The following CYP2C8 variants were observed in gnomAD, a reference collection of about 807,000 sequenced individuals.
CYP2C8 encodes cytochrome P450 2C8.
A neutral mutation model predicts 41.3 loss-of-function variants in CYP2C8; 51 were observed. The ratio of observed to expected loss-of-function variants is 1.24; its 90% confidence interval spans 0.99 to 1.56. The LOEUF (loss-of-function observed/expected upper bound fraction) is 1.56, where lower values mean the gene tolerates loss of function less well. CYP2C8 is among the 40% of genes most tolerant of loss of function. The probability of loss-of-function intolerance (pLI) is 0.00; values close to 1 mark genes in which losing one functional copy is unlikely to be tolerated. For missense variants in CYP2C8, 651 were observed against 579.9 expected (o/e 1.12, Z -1.26); for synonymous variants, 218 against 205.8 (o/e 1.06, Z -0.51).
chr10:95,037,602 CTTTA>C (rs1272585922), intron 8 of CYP2C8, among the ~76,000 whole-genome samples: 1 of 152,180 alleles, frequency 6.6e-6, no homozygotes, highest in East Asian at 1.9e-4. Context: ...ACAGTCATTT[CTTTA>C]TTTATTCCCA....
intron 7 of CYP2C8, among the ~76,000 whole-genome samples, chr10:95,042,603 C>T (rs1053396176): frequency 1.3e-5 from 2 of 152,150 alleles, no homozygotes; most frequent in Non-Finnish European, 1.5e-5. Context: ...TATCGAACTA[C>T]ACAATGAATG....
Position 95,069,484 on chromosome 10 carries a change from T to G in CYP2C8, c.-82A>C. On this transcript the variant is annotated 5_prime_UTR_variant, in exon 1 of 9. Coordinates refer to ENST00000371270, the MANE Select transcript of CYP2C8 (RefSeq NM_000770.3). ...ACACTCCCTGCTAATTTAGTGTGTG[T>G]CTCTTTGACATGTAAAGTAAACAAT... 1.8e-6 allele frequency: 2 copies of G among 1,138,510 alleles called. No individual in the cohort carries two copies. Among genetic ancestry groups the G allele is most frequent in the Non-Finnish European group, 2.6e-6 (2 of 760,064 alleles). The allele number at this position is 1,138,510 out of a possible 1,614,324, so 70.5% of individuals were successfully genotyped here.
At chr10:95,046,062 C>A in intron 5 of CYP2C8, 111 bp from the exon 6 acceptor site, 1 of 1,241,832 alleles carries the variant, frequency 8.1e-7, no homozygotes, top group Non-Finnish European at 1.1e-6. Flanking sequence ...AGATACTGGA[C>A]AGTACAGTAT....
chr10:95,048,546 G>A (rs1193850907), intron 5 of CYP2C8, among the ~76,000 whole-genome samples: 1 of 152,204 alleles, frequency 6.6e-6, no homozygotes, highest in African/African-American at 2.4e-5. Flanking sequence ...TATTGGGTTT[G>A]TGAACACACT....
chr10:95,046,748 T>TA (rs56702266), intron 5 of CYP2C8, among the ~76,000 whole-genome samples: 45,325 of 128,774 alleles, frequency 0.35, 9,119 homozygotes, highest in Non-Finnish European at 0.47. Flanking sequence ...CTAAATATGG[T>TA]AAAAAAAAAA....
intron 5 of CYP2C8, among the ~76,000 whole-genome samples, chr10:95,048,188 T>C (rs1016613097): frequency 2.0e-5 from 3 of 152,246 alleles, no homozygotes; most frequent in African/African-American, 7.2e-5. Context: ...CATTGCTCTC[T>C]CTTTAACAGT....
intron 5 of CYP2C8, among the ~76,000 whole-genome samples, chr10:95,049,403 G>A (rs7073515): frequency 0.024 from 3,584 of 152,244 alleles, 61 homozygotes; most frequent in South Asian, 0.048. Context: ...CTCTTCCCCT[G>A]GCAGCAGTGG....
chr10:95,048,166 A>G (rs983754723), intron 5 of CYP2C8, among the ~76,000 whole-genome samples: 3 of 152,160 alleles, frequency 2.0e-5, no homozygotes, highest in Non-Finnish European at 2.9e-5. Context: ...TTATGAATTG[A>G]CCAATAAGCT....
intron 4 of CYP2C8, among the ~76,000 whole-genome samples, chr10:95,059,069 G>T (rs2033369696): frequency 6.6e-6 from 1 of 152,160 alleles, no homozygotes; most frequent in African/African-American, 2.4e-5. Context: ...TTGGTTCCAA[G>T]TCTTTGCTAT....
At position 95,067,588 on chromosome 10, in the gene CYP2C8, C is replaced by G; in HGVS notation, c.272G>C (p.Gly91Ala). Residue 91 changes from glycine to alanine, a missense_variant, in exon 2 of 9, where the codon GGA becomes GCA. Gly to Ala is a moderately conservative substitution (Grantham distance 60). Transcript: ENST00000371270. ...EAVKEALIDN[G>A]EEFSGRGNSP... is the part of the protein sequence containing the mutation. The stretch of plus-strand genomic sequence containing the variant: ...ATTGCCTCTTCCAGAAAACTCCTCT[C>G]CATTATCAATCAGGGCTTCCTTCAC... 1 of 1,614,204 alleles carries G rather than the reference C, an allele frequency of 6.2e-7. No individual in the cohort carries two copies. Among genetic ancestry groups the G allele is most frequent in the Non-Finnish European group, 8.5e-7 (1 of 1,180,038 alleles).
chr10:95,050,875 C>CA (rs36110618), intron 5 of CYP2C8, among the ~76,000 whole-genome samples: 51,796 of 151,462 alleles, frequency 0.34, 9,370 homozygotes, highest in Non-Finnish European at 0.4. Flanking sequence ...AGGATGTGTA[C>CA]AAAAAAAACC....
intron 4 of CYP2C8, among the ~76,000 whole-genome samples, chr10:95,060,128 C>T (rs1163791891): frequency 1.3e-5 from 2 of 151,982 alleles, no homozygotes; most frequent in Non-Finnish European, 2.9e-5. Flanking sequence ...ACAATGCGGG[C>T]TCTTTTTTGG....
At position 95,067,656 on chromosome 10, in the gene CYP2C8, A is replaced by C. The variant is rs1198864967; in HGVS notation, c.204T>G (p.Tyr68Ter). The C allele has an allele frequency of 6.2e-7, 1 of 1,614,178 alleles. No homozygotes were observed. The highest frequency in any genetic ancestry group is 1.7e-5 in the Admixed American group (1 of 60,004). ...SKVYGPVFTV[Y>*]FGMNPIVVFH... is the part of the protein sequence containing the mutation. Reference sequence around the variant, plus strand: ...ACACCACTATGGGATTCATGCCAAAATACACGGTGAACACAGGACCATAGA... The same window carrying C: ...ACACCACTATGGGATTCATGCCAAACTACACGGTGAACACAGGACCATAGA... The change falls in exon 2 of 9, where the codon TAT becomes TAG. Residue 68 changes from tyrosine to a stop codon, truncating the protein, a stop_gained. Coordinates refer to ENST00000371270, the MANE Select transcript of CYP2C8 (RefSeq NM_000770.3). LOFTEE classifies it high-confidence loss of function.
In CYP2C8 at chr10:95,064,947, AT is replaced by A. The variant is rs1340718166; in HGVS notation, c.494del (p.Asp165ValfsTer13). 1 of 1,564,940 alleles carries A rather than the reference AT, an allele frequency of 6.4e-7. No individual in the cohort carries two copies. The highest frequency in any genetic ancestry group is 8.7e-7 in the Non-Finnish European group (1 of 1,155,154). ...GAGCACAGCCCAGGATGAAAGTGGGATCACAGGGTGAAGCTAAAGATTTAAA... is the reference window on the plus strand; with the variant it reads ...GAGCACAGCCCAGGATGAAAGTGGGACACAGGGTGAAGCTAAAGATTTAAA... ...ELRKTKASPCDPTFILGCAPC... is the reference protein window; with the variant it reads ...ELRKTKASPCXPTFILGCAPC... On this transcript the variant is annotated frameshift_variant, in exon 4 of 9. Transcript: ENST00000371270. LOFTEE classifies it high-confidence loss of function.
intron 5 of CYP2C8, among the ~76,000 whole-genome samples, chr10:95,050,179 A>T (rs2033188679): frequency 6.6e-6 from 1 of 152,018 alleles, no homozygotes; most frequent in Non-Finnish European, 1.5e-5. Context: ...GTGAGATTCC[A>T]CTGCCTTTGG....
At position 95,042,881 on chromosome 10, in the gene CYP2C8, C is replaced by A; in HGVS notation, c.1149+9G>T. The A allele has an allele frequency of 1.9e-6, 3 of 1,611,276 alleles. No individual in the cohort carries two copies. Among genetic ancestry groups the A allele is most frequent in the Non-Finnish European group, 2.5e-6 (3 of 1,177,436 alleles). ...GTACAGAAATATAGTGTAAGAGAAA[C>A]AAGCTTACCTTGGGGATGAGGTAGT... On this transcript the variant is annotated intron_variant, in intron 7 of 8. Coordinates refer to ENST00000371270, the MANE Select transcript of CYP2C8 (RefSeq NM_000770.3).
chr10:95,050,081 A>C (rs2033187011), intron 5 of CYP2C8, among the ~76,000 whole-genome samples: 1 of 151,962 alleles, frequency 6.6e-6, no homozygotes, highest in Non-Finnish European at 1.5e-5. Flanking sequence ...TAGAGCACCA[A>C]GTGCACTCCT....
chr10:95,038,639 T>C (rs1274187376), intron 8 of CYP2C8, among the ~76,000 whole-genome samples: 2 of 152,142 alleles, frequency 1.3e-5, no homozygotes, highest in Non-Finnish European at 2.9e-5. Flanking sequence ...GTGATGTATC[T>C]AGTGGCAGAG....
chr10:95,058,931 G>A (rs1028232440), intron 4 of CYP2C8, among the ~76,000 whole-genome samples: 58 of 152,170 alleles, frequency 3.8e-4, no homozygotes, highest in African/African-American at 1.4e-3. Flanking sequence ...TGCTGAGAAC[G>A]ATGGTTTCTA....
Sources: allele counts gnomAD v4.1 joint callset (sites outside exome capture counted in the v4.1 genomes callset), GRCh38; gene constraint gnomAD v4.1.1; transcripts MANE v1.5; gene names NCBI Gene and HGNC (gene_info 2026-07-23, HGNC 2026-07-21).